Variants in ALDH6A1 observed in about 807,000 individuals in gnomAD.
ALDH6A1 encodes the protein aldehyde dehydrogenase 6 family member A1, also known as methylmalonate-semialdehyde/malonate-semialdehyde dehydrogenase [acylating], mitochondrial.
In ALDH6A1, 43 loss-of-function variants were observed where a neutral mutation model predicts 62.6. The observed-to-expected ratio is 0.69, with a 90% CI of 0.54 to 0.89. ALDH6A1 has a LOEUF of 0.89. Ranked by LOEUF, ALDH6A1 falls within the 40% of genes least tolerant of loss-of-function variation. The pLI is 0.00. For missense variants in ALDH6A1, 551 were observed against 661.3 expected, an observed-to-expected ratio of 0.83 and a Z score of 1.83; for synonymous variants, 194 against 234.2, an observed-to-expected ratio of 0.83 and a Z score of 1.57.
At chr14:74,070,083 C>T (rs117623322) in intron 6 of ALDH6A1, among the ~76,000 whole-genome samples, 2,085 of 152,080 alleles carry the variant, frequency 0.014, 47 homozygotes, top group African/African-American at 0.046. Context: ...TCAAGTGATC[C>T]GCCTGCCTTC....
intron 11 of ALDH6A1, among the ~76,000 whole-genome samples, chr14:74,064,357 TCAA>T (rs1220650150): frequency 4.0e-5 from 6 of 151,432 alleles, no homozygotes; most frequent in African/African-American, 1.5e-4. Flanking sequence ...AAGAACGTGC[TCAA>T]CAACATTTTT....
At chr14:74,075,567 G>GGATTGCTT (rs1438603820) in intron 1 of ALDH6A1, among the ~76,000 whole-genome samples, 1 of 151,984 alleles carries the variant, frequency 6.6e-6, no homozygotes, top group African/African-American at 2.4e-5. Flanking sequence ...CAAGGTGGGA[G>GGATTGCTT]GATTGCTTCA....
chr14:74,068,388 G>GAAA lies in ALDH6A1; in HGVS notation c.852+469_852+471dup, dbSNP rs3082879. Among the ~76,000 whole-genome samples, 787 of 150,728 alleles carry GAAA rather than the reference G, an allele frequency of 5.2e-3. 2 individuals are homozygous for GAAA. Among genetic ancestry groups the GAAA allele is most frequent in the African/African-American group, 0.018 (737 of 41,014 alleles). On this transcript the variant is annotated intron_variant, in intron 7 of 11. Coordinates refer to ENST00000553458, the MANE Select transcript of ALDH6A1 (RefSeq NM_005589.4). Reference sequence around the variant, plus strand: ...AGTAAGACTCTGTCTCAAAAAAAAAGAAAAAAAGTGATTAACGTGACTTAG... The same window carrying GAAA: ...AGTAAGACTCTGTCTCAAAAAAAAAGAAAAAAAAAAGTGATTAACGTGACTTAG...
chr14:74,075,689 G>A (rs1194783311), intron 1 of ALDH6A1, among the ~76,000 whole-genome samples: 2 of 151,730 alleles, frequency 1.3e-5, no homozygotes. Flanking sequence ...ATAAATATAA[G>A]TAATAGAGTA....
chr14:74,066,778 T>G lies in ALDH6A1; in HGVS notation c.1151A>C (p.Asp384Ala), dbSNP rs766867526. ...GCCTTTCACTTTAATTTTTCGTCCA[T>G]CAAGAAGGATGGAAGCTCCCTCCTT... ...GTKEGASILL[D>A]GRKIKVKGYE... The change falls in exon 9 of 12, where the codon GAT (aspartate) becomes GCT (alanine). Residue 384 changes from aspartate (D) to alanine (A), a missense_variant. Transcript: ENST00000553458. 1.9e-6 allele frequency: 3 copies of G among 1,613,916 alleles called. No homozygotes were observed. Among genetic ancestry groups the G allele is most frequent in the African/African-American group, 2.7e-5 (2 of 74,886 alleles).
At chr14:74,071,081 G>A (rs1013537973) in intron 6 of ALDH6A1, 114 bp downstream of exon 6, 7 of 1,081,198 alleles carry the variant, frequency 6.5e-6, no homozygotes, top group South Asian at 3.8e-5. Context: ...GTTAAAATGA[G>A]TAAATCCTTT....
At chr14:74,078,145 T>C (rs2060633279) in intron 1 of ALDH6A1, 2 of 452,634 alleles carry the variant, frequency 4.4e-6, no homozygotes, top group South Asian at 1.6e-5. Context: ...CTCCCAATTC[T>C]ACTAATTCCT....
At position 74,059,455 on chromosome 14, in the gene ALDH6A1, G is replaced by A. The variant is rs2060290542; in HGVS notation, c.*1187C>T. 1 of 450,642 alleles carries A rather than the reference G, an allele frequency of 2.2e-6. No individual in the cohort carries two copies. Among genetic ancestry groups the A allele is most frequent in the Non-Finnish European group, 4.4e-6 (1 of 224,776 alleles). 27.9% of individuals were successfully genotyped at this position (450,642 alleles called of 1,614,324 possible). A position where few individuals can be genotyped will look rare whatever the true frequency, so the allele number is the denominator to read the frequency against. ...TCATGCCTGTAATCCCAGCACTTTG[G>A]GAGGCCGAGGCAGGCGGATCACCTG... On this transcript the variant is annotated 3_prime_UTR_variant, in exon 12 of 12. Coordinates refer to ENST00000553458, the MANE Select transcript of ALDH6A1 (RefSeq NM_005589.4).
At position 74,059,084 on chromosome 14, in the gene ALDH6A1, CAAAAAAAAAAA is replaced by C. The variant is rs35760969; in HGVS notation, c.*1547_*1557del. 4.1e-5 allele frequency: 2 copies of C among 49,378 alleles called. No individual in the cohort carries two copies. Among genetic ancestry groups the C allele is most frequent in the African/African-American group, 1.8e-4 (2 of 11,266 alleles). The allele number at this position is 49,378 out of a possible 1,614,324, so 3.1% of individuals were successfully genotyped here. A position where few individuals can be genotyped will look rare whatever the true frequency, so the allele number is the denominator to read the frequency against. On this transcript the variant is annotated 3_prime_UTR_variant, in exon 12 of 12. Coordinates refer to ENST00000553458, the MANE Select transcript of ALDH6A1 (RefSeq NM_005589.4). ...GGGCAACAAGAGTGAAACTCCATCT[CAAAAAAAAAAA>C]AAAAAAAAAAAGCGTAAAGGCAGTT...
At position 74,071,216 on chromosome 14, in the gene ALDH6A1, T is replaced by C; in HGVS notation, c.709A>G (p.Ile237Val). 1.2e-6 allele frequency: 2 copies of C among 1,614,194 alleles called. No homozygotes were observed. Among genetic ancestry groups the C allele is most frequent in the Non-Finnish European group, 1.7e-6 (2 of 1,180,008 alleles). ...TTACCTTCATGCTGTCCATGGATGA[T>C]GTTTAATGTTCCATCAGGGGCACCA... Reference protein sequence around the residue: ...DSGAPDGTLNIIHGQHEAVNF... With the variant: ...DSGAPDGTLNVIHGQHEAVNF... Residue 237 changes from isoleucine to valine, a missense_variant, in exon 6 of 12, where the codon ATC (isoleucine) becomes GTC (valine). Ile to Val is a conservative substitution (Grantham distance 29). Transcript: ENST00000553458.
chr14:74,071,170 T>G (rs2060544009), intron 6 of ALDH6A1, 25 bp downstream of exon 6: 2 of 1,600,126 alleles, frequency 1.2e-6, no homozygotes, highest in African/African-American at 2.7e-5. Flanking sequence ...CCAGATTAAG[T>G]AGCCATATGC....
chr14:74,072,710 A>C, intron 2 of ALDH6A1, 99 bp from the exon 3 acceptor site: 1 of 1,336,236 alleles, frequency 7.5e-7, no homozygotes, highest in Non-Finnish European at 1.0e-6. Flanking sequence ...AAAGGAAAGA[A>C]AACAAGTTGA....
At chr14:74,069,494 T>C (rs2139783059) in intron 6 of ALDH6A1, among the ~76,000 whole-genome samples, 1 of 152,126 alleles carries the variant, frequency 6.6e-6, no homozygotes, top group Non-Finnish European at 1.5e-5. Flanking sequence ...CGCATGCCTG[T>C]AATTCCAGCA....
rs781767219 is a variant in ALDH6A1, at chr14:74,066,773, G to A, written c.1156C>T (p.Arg386Ter). The change falls in exon 9 of 12, where the codon CGA becomes TGA. Residue 386 changes from arginine (R) to a stop codon, truncating the protein, a stop_gained. Transcript: ENST00000553458. LOFTEE classifies it high-confidence loss of function. ...KEGASILLDG[R>*]KIKVKGYENG... Reference sequence around the variant, plus strand: ...TCATAGCCTTTCACTTTAATTTTTCGTCCATCAAGAAGGATGGAAGCTCCC... The same window carrying A: ...TCATAGCCTTTCACTTTAATTTTTCATCCATCAAGAAGGATGGAAGCTCCC... The A allele has an allele frequency of 2.2e-5, 35 of 1,613,668 alleles. No homozygotes were observed. Among genetic ancestry groups the A allele is most frequent in the Admixed American group, 3.3e-5 (2 of 59,926 alleles).
At chr14:74,067,317 A>T in intron 8 of ALDH6A1, 63 bp downstream of exon 8, 1 of 1,588,460 alleles carries the variant, frequency 6.3e-7, no homozygotes, top group Non-Finnish European at 8.6e-7. Flanking sequence ...GGCCAGTGAC[A>T]GAACCCAAGA....
In ALDH6A1 at chr14:74,082,739, C is replaced by T. The variant is rs566461024; in HGVS notation, c.48+1608G>A. Reference sequence around the variant, plus strand: ...TATCGAACTTTTAATCAAAGATTCACGTTACAACTCCTAGTTGGCTGAGGA... The same window carrying T: ...TATCGAACTTTTAATCAAAGATTCATGTTACAACTCCTAGTTGGCTGAGGA... On this transcript the variant is annotated intron_variant, in intron 1 of 11. Coordinates refer to ENST00000553458, the MANE Select transcript of ALDH6A1 (RefSeq NM_005589.4). The T allele has an allele frequency of 5.3e-5, 8 of 151,992 alleles. No individual in the cohort carries two copies. In the South Asian group the frequency reaches 6.2e-4, roughly 12 times the overall value. 9.4% of individuals were successfully genotyped at this position (151,992 alleles called of 1,614,324 possible).
intron 6 of ALDH6A1, among the ~76,000 whole-genome samples, chr14:74,070,331 C>T (rs1192559711): frequency 6.6e-6 from 1 of 151,978 alleles, no homozygotes; most frequent in Non-Finnish European, 1.5e-5. Flanking sequence ...CTAGCCTGGC[C>T]AACATGGTGA....
rs139735554 is a variant in ALDH6A1 at position 74,059,626 on chromosome 14, C to T, written c.*1016G>A. ...AGGAGAATCGCTTGAACCTGGGAGG[C>T]GGAGGTTGCGGTGAGCTGAGATCAC... On this transcript the variant is annotated 3_prime_UTR_variant, in exon 12 of 12. Coordinates refer to ENST00000553458, the MANE Select transcript of ALDH6A1 (RefSeq NM_005589.4). The T allele has an allele frequency of 6.9e-3, 1,628 of 235,386 alleles. 33 individuals carry two copies. The highest frequency in any genetic ancestry group is 0.035 in the African/African-American group (1,514 of 43,036). 14.6% of individuals were successfully genotyped at this position (235,386 alleles called of 1,614,324 possible). A position where few individuals can be genotyped will look rare whatever the true frequency, so the allele number is the denominator to read the frequency against.
chr14:74,068,820 T>C (rs764769853), intron 7 of ALDH6A1, 40 bp downstream of exon 7: 4 of 1,610,852 alleles, frequency 2.5e-6, no homozygotes, highest in Non-Finnish European at 3.4e-6. Context: ...AATTTTCATA[T>C]ATAGAACAAA....
Sources: gnomAD v4.1 joint callset for allele counts (sites outside exome capture counted in the v4.1 genomes callset) on GRCh38, gnomAD v4.1.1 for gene constraint, MANE v1.5 for transcripts, NCBI Gene and HGNC (gene_info 2026-07-23, HGNC 2026-07-21) for gene names.